HMGB1: variants seen among roughly 807,000 people sequenced by gnomAD.
HMGB1 encodes the protein high mobility group protein B1.
For synonymous variants in HMGB1, 81 were observed against 84.0 expected, an observed-to-expected ratio of 0.96 and a Z score of 0.19; for missense variants, 79 against 253.5, an observed-to-expected ratio of 0.31 and a Z score of 4.67.
At chr13:30,549,780 G>C (rs921337313) in intron 1 of HMGB1, among the ~76,000 whole-genome samples, 1 of 150,780 alleles carries the variant, frequency 6.6e-6, no homozygotes, top group African/African-American at 2.4e-5. Flanking sequence ...GCAGTGGCAT[G>C]ATCTCGACTC....
chr13:30,529,454 T>G (rs1027392681), intron 1 of HMGB1, among the ~76,000 whole-genome samples: 5 of 152,230 alleles, frequency 3.3e-5, no homozygotes, highest in Non-Finnish European at 7.3e-5. Context: ...TCTTCCTACA[T>G]TTAAGGCCCT....
intron 1 of HMGB1, among the ~76,000 whole-genome samples, chr13:30,561,531 T>C (rs906252980): frequency 7.9e-5 from 12 of 151,990 alleles, no homozygotes; most frequent in Admixed American, 3.9e-4. Context: ...AGTCAGCCAA[T>C]TGGTGACAAA....
At chr13:30,494,954 C>T (rs1390767345) in intron 1 of HMGB1, among the ~76,000 whole-genome samples, 1 of 152,176 alleles carries the variant, frequency 6.6e-6, no homozygotes, top group Non-Finnish European at 1.5e-5. Flanking sequence ...GTTTATTTTA[C>T]TTAACACAAT....
chr13:30,466,325 C>G (rs567536363), upstream of HMGB1, among the ~76,000 whole-genome samples: 3 of 146,832 alleles, frequency 2.0e-5, no homozygotes, highest in Admixed American at 2.0e-4. Context: ...CACATTCACG[C>G]CCAAAGCCGT....
At chr13:30,563,217 C>A (rs1183923393) in intron 1 of HMGB1, among the ~76,000 whole-genome samples, 1 of 152,202 alleles carries the variant, frequency 6.6e-6, no homozygotes, top group Non-Finnish European at 1.5e-5. Flanking sequence ...GTTCTCTGTT[C>A]AAACAATGGG....
chr13:30,535,053 C>T (rs1399503402), intron 1 of HMGB1, among the ~76,000 whole-genome samples: 1 of 152,208 alleles, frequency 6.6e-6, no homozygotes, highest in Non-Finnish European at 1.5e-5. Flanking sequence ...GGACTAATTT[C>T]ACAAGTCGGT....
At chr13:30,524,078 T>C (rs1237453255) in intron 1 of HMGB1, among the ~76,000 whole-genome samples, 1 of 151,866 alleles carries the variant, frequency 6.6e-6, no homozygotes, top group East Asian at 1.9e-4. Context: ...CTCAGCAAAC[T>C]AACACAGGAA....
At chr13:30,556,855 A>G (rs1295032975) in intron 1 of HMGB1, among the ~76,000 whole-genome samples, 1 of 152,240 alleles carries the variant, frequency 6.6e-6, no homozygotes, top group African/African-American at 2.4e-5. Flanking sequence ...ACTATAGTTA[A>G]TAATAATACA....
At chr13:30,583,002 A>G (rs1870971013) in intron 1 of HMGB1, among the ~76,000 whole-genome samples, 1 of 151,946 alleles carries the variant, frequency 6.6e-6, no homozygotes, top group Admixed American at 6.6e-5. Flanking sequence ...TCTTGCTTCC[A>G]TTCCACACAG....
intron 1 of HMGB1, chr13:30,542,774 C>A: frequency 4.9e-6 from 1 of 203,876 alleles, no homozygotes; most frequent in Non-Finnish European, 1.0e-5. Flanking sequence ...TCTGGACACA[C>A]AACGTTGGAC....
intron 1 of HMGB1, among the ~76,000 whole-genome samples, chr13:30,545,159 G>A (rs1249821181): frequency 2.0e-5 from 3 of 151,952 alleles, no homozygotes; most frequent in East Asian, 1.9e-4. Context: ...CTACCTAGTC[G>A]GATTTGAGAG....
intron 1 of HMGB1, among the ~76,000 whole-genome samples, chr13:30,561,124 G>C (rs1869932637): frequency 6.6e-6 from 1 of 151,302 alleles, no homozygotes; most frequent in Admixed American, 6.6e-5. Flanking sequence ...GCAGGAGAGT[G>C]ACAGATTTCA....
At chr13:30,545,975 G>A (rs893431859) in intron 1 of HMGB1, among the ~76,000 whole-genome samples, 1 of 152,082 alleles carries the variant, frequency 6.6e-6, no homozygotes, top group Non-Finnish European at 1.5e-5. Flanking sequence ...GTGTTGGGAT[G>A]ACAGGTATGA....
At chr13:30,604,654 G>GTTTT in intron 1 of HMGB1, among the ~76,000 whole-genome samples, 1 of 152,200 alleles carries the variant, frequency 6.6e-6, no homozygotes, top group South Asian at 2.1e-4. Flanking sequence ...GCTTCCCAAT[G>GTTTT]TTTTTTTGTT....
intron 1 of HMGB1, among the ~76,000 whole-genome samples, chr13:30,606,107 A>T (rs1399526223): frequency 1.6e-4 from 24 of 152,228 alleles, no homozygotes; most frequent in Admixed American, 1.6e-3. Flanking sequence ...GGTCTCTATT[A>T]ATAATGATGA....
chr13:30,508,516 A>AAAAAG (rs371294799), intron 1 of HMGB1, among the ~76,000 whole-genome samples: 6,354 of 151,914 alleles, frequency 0.042, 175 homozygotes, highest in Middle Eastern at 0.11. Context: ...CTCTCAAGAA[A>AAAAAG]AAAAGAAAAG....
chr13:30,553,918 A>G (rs1293152359), intron 1 of HMGB1: 1 of 1,420,506 alleles, frequency 7.0e-7, no homozygotes, highest in Admixed American at 1.7e-5. Context: ...CGAAGGAGTT[A>G]CATCTTAACA....
intron 1 of HMGB1, among the ~76,000 whole-genome samples, chr13:30,536,712 C>A (rs1868457260): frequency 6.6e-6 from 1 of 152,174 alleles, no homozygotes; most frequent in Non-Finnish European, 1.5e-5. Flanking sequence ...CTGTAGTGGA[C>A]CCTCATTGCA....
intron 1 of HMGB1, among the ~76,000 whole-genome samples, chr13:30,536,911 G>T (rs1227547147): frequency 1.3e-5 from 2 of 152,106 alleles, no homozygotes; most frequent in African/African-American, 2.4e-5. Context: ...ACAGGGCCTG[G>T]ATTCATCTCC....
Sources: gnomAD v4.1 joint callset for allele counts (sites outside exome capture counted in the v4.1 genomes callset) on GRCh38, gnomAD v4.1.1 for gene constraint, MANE v1.5 for transcripts, NCBI Gene and HGNC (gene_info 2026-07-23, HGNC 2026-07-21) for gene names.